The following SEC31A variants were observed in gnomAD, a reference collection of about 807,000 sequenced individuals.
SEC31A encodes the protein SEC31 homolog A, COPII component.
SEC31A carries 70 observed loss-of-function variants against 151.0 expected under a neutral mutation model. The ratio of observed to expected loss-of-function variants is 0.46; its 90% CI spans 0.38 to 0.57. The LOEUF is 0.57. Among genes scored for constraint, SEC31A ranks in the 20% least tolerant of loss-of-function variants. The pLI is 0.00. For missense variants in SEC31A, 1,330 were observed against 1,471.2 expected (o/e 0.90, Z 1.57); for synonymous variants, 475 against 505.9 (o/e 0.94, Z 0.82).
At chr4:82,832,833 T>C (rs1353045084) in intron 22 of SEC31A, among the ~76,000 whole-genome samples, 1 of 152,096 alleles carries the variant, frequency 6.6e-6, no homozygotes, top group Non-Finnish European at 1.5e-5. Context: ...ATTGGAGAAA[T>C]GCAAATCAAA....
At chr4:82,896,850 A>G (rs533804870) in intron 3 of SEC31A, among the ~76,000 whole-genome samples, 3 of 152,248 alleles carry the variant, frequency 2.0e-5, no homozygotes, top group Non-Finnish European at 4.4e-5. Context: ...TCATTGAAGG[A>G]GTTTGACCTT....
rs1297118041 is a variant in SEC31A, at chr4:82,848,973, T to C, written c.2333A>G (p.Asn778Ser). The change falls in exon 20 of 27, where the codon AAT becomes AGT. Residue 778 changes from asparagine to serine, a missense_variant. Asn to Ser is a conservative substitution (Grantham distance 46). Transcript: ENST00000395310. The stretch of plus-strand genomic sequence containing the variant: ...AAGTCTGTCACGAAGCTGCATGATA[T>C]TTGGCTAAAAAGGATTGGAAAAACA... The part of the protein sequence containing the change: ...AFLPDNTNQP[N>S]IMQLRDRLCR... 7 of 1,612,390 alleles carry C rather than the reference T, an allele frequency of 4.3e-6. No homozygotes were observed. The highest frequency in any genetic ancestry group is 5.9e-6 in the Non-Finnish European group (7 of 1,179,466).
At chr4:82,846,366 C>CATCATCATCATAATAATAATA (rs1553928443) in intron 20 of SEC31A, among the ~76,000 whole-genome samples, 1 of 140,546 alleles carries the variant, frequency 7.1e-6, no homozygotes, top group African/African-American at 2.6e-5. Context: ...AACTCCAAAA[C>CATCATCATCATAATAATAATA]ATAATAATAA....
intron 5 of SEC31A, among the ~76,000 whole-genome samples, 165 bp downstream of exon 5, chr4:82,875,562 T>G (rs1318659450): frequency 2.6e-5 from 4 of 152,196 alleles, no homozygotes; most frequent in African/African-American, 9.6e-5. Flanking sequence ...ACTGATACTT[T>G]GAAGAAACAT....
chr4:82,856,809 C>G, intron 16 of SEC31A, 143 bp downstream of exon 16: 1 of 690,762 alleles, frequency 1.4e-6, no homozygotes, highest in East Asian at 3.0e-5. Context: ...AAAATGCCAA[C>G]AACTATTTCC....
In SEC31A at chr4:82,880,914, C is replaced by G; in HGVS notation, c.88G>C (p.Ala30Pro). The change falls in exon 3 of 27, where the codon GCT becomes CCT. Residue 30 changes from alanine to proline, a missense_variant. Coordinates refer to ENST00000395310, the MANE Select transcript of SEC31A (RefSeq NM_001077207.4). ...CTAAATGTTGCATCCAATTGCTGAG[C>G]AGATGTTCCTATAGAAAATATATTT... The part of the protein sequence containing the change: ...HPIYLATGTS[A>P]QQLDATFSTN... The G allele has an allele frequency of 6.2e-7, 1 of 1,605,782 alleles. No individual in the cohort carries two copies. Among genetic ancestry groups the G allele is most frequent in the Non-Finnish European group, 8.5e-7 (1 of 1,175,154 alleles).
At chr4:82,839,701 A>C (rs926236484) in intron 22 of SEC31A, among the ~76,000 whole-genome samples, 1 of 152,258 alleles carries the variant, frequency 6.6e-6, no homozygotes, top group Non-Finnish European at 1.5e-5. Context: ...TACAGTTGTC[A>C]GTAGATTAAA....
At chr4:82,854,712 T>TAAAAAAAAAAAA (rs79298254) in intron 17 of SEC31A, among the ~76,000 whole-genome samples, 191 bp downstream of exon 17, 1 of 140,308 alleles carries the variant, frequency 7.1e-6, no homozygotes, top group Non-Finnish European at 1.5e-5. Context: ...CTAGTAGATT[T>TAAAAAAAAAAAA]AAAAAAAAAA....
At position 82,857,244 on chromosome 4, in the gene SEC31A, C is replaced by CT. The variant is rs1317250440; in HGVS notation, c.1703-115dup. 22 of 833,674 alleles carry CT rather than the reference C, an allele frequency of 2.6e-5. No individual in the cohort carries two copies. In the African/African-American group the frequency reaches 3.9e-4, roughly 15 times the overall value. The allele number at this position is 833,674 out of a possible 1,614,324, so 51.6% of individuals were successfully genotyped here. ...ATATACATGAATGGAGACCACAACA[C>CT]TAATTTCTGATTACTAGTGGATTAA... On this transcript the variant is annotated intron_variant, in intron 15 of 26. Coordinates refer to ENST00000395310, the MANE Select transcript of SEC31A (RefSeq NM_001077207.4).
chr4:82,839,265 C>G (rs1578173369), intron 22 of SEC31A, among the ~76,000 whole-genome samples: 1 of 152,240 alleles, frequency 6.6e-6, no homozygotes, highest in East Asian at 1.9e-4. Context: ...GTTCTCTTGC[C>G]TCAGCTTCCC....
chr4:82,891,712 T>C (rs966056237), upstream of SEC31A, among the ~76,000 whole-genome samples: 2 of 70,186 alleles, frequency 2.8e-5, no homozygotes, highest in African/African-American at 7.9e-5. Context: ...CAAAGAGGTA[T>C]AGATGGGGTG....
Position 82,867,309 on chromosome 4 carries a change from T to C in SEC31A, c.890A>G (p.Tyr297Cys). ...CSNPNTGEVL[Y>C]ELPTNTQWCF... ...CCACTGTGTGTTGGTGGGAAGTTCATATAACACCTAGGCCAACAAAAAACA... is the reference window on the plus strand; with the variant it reads ...CCACTGTGTGTTGGTGGGAAGTTCACATAACACCTAGGCCAACAAAAAACA... Residue 297 changes from tyrosine (Y) to cysteine (C), a missense_variant, in exon 9 of 27, where the codon TAT becomes TGT. By Grantham distance (194) the Tyr-to-Cys change is radical (BLOSUM62 -2). Coordinates refer to ENST00000395310, the MANE Select transcript of SEC31A (RefSeq NM_001077207.4). 6.2e-7 allele frequency: 1 copy of C among 1,613,948 alleles called. No individual in the cohort carries two copies.
At position 82,845,229 on chromosome 4, in the gene SEC31A, G is replaced by A. The variant is rs1485367147; in HGVS notation, c.2503-720C>T. On this transcript the variant is annotated intron_variant, in intron 20 of 26. Coordinates refer to ENST00000395310, the MANE Select transcript of SEC31A (RefSeq NM_001077207.4). ...TGTGTCAGAGGGAGAGGCTGCAGGTGGATGGCTGGGAAGGGCAGTAGGAGT... is the reference window on the plus strand; with the variant it reads ...TGTGTCAGAGGGAGAGGCTGCAGGTAGATGGCTGGGAAGGGCAGTAGGAGT... 6 of 1,534,582 alleles carry A rather than the reference G, an allele frequency of 3.9e-6. No individual in the cohort carries two copies. In the African/African-American group the frequency reaches 5.5e-5, roughly 14 times the overall value.
intron 21 of SEC31A, among the ~76,000 whole-genome samples, chr4:82,843,513 T>C (rs898992277): frequency 6.6e-6 from 1 of 152,026 alleles, no homozygotes; most frequent in Non-Finnish European, 1.5e-5. Flanking sequence ...CTCGATAGAG[T>C]GAATCTAGTA....
At chr4:82,894,480 A>C (rs1401328302), upstream of SEC31A, 1 of 152,226 alleles carries the variant, frequency 6.6e-6, no homozygotes, top group East Asian at 1.9e-4. Flanking sequence ...AAATTGTGTA[A>C]GGTGAACCAA....
chr4:82,836,955 G>T (rs1012371992), intron 22 of SEC31A, among the ~76,000 whole-genome samples: 2 of 151,556 alleles, frequency 1.3e-5, no homozygotes, highest in African/African-American at 2.4e-5. Flanking sequence ...AACGCTTGAG[G>T]TGATGGATAC....
chr4:82,888,354 A>G (rs1359698380), intron 1 of SEC31A, among the ~76,000 whole-genome samples: 1 of 4,682 alleles, frequency 2.1e-4, no homozygotes, highest in Non-Finnish European at 7.7e-4. Context: ...CCGTCTCAAA[A>G]AAAAAAAAAA....
In SEC31A at chr4:82,888,778, A is replaced by G. The variant is rs146974120; in HGVS notation, c.-5+2310T>C. On this transcript the variant is annotated intron_variant, in intron 1 of 26. Coordinates refer to ENST00000395310, the MANE Select transcript of SEC31A (RefSeq NM_001077207.4). ...ATTTTTCATGCAACTTTCTCTCAAT[A>G]ATTGCATTCAATTAGGTGGAAACTT... Among the ~76,000 whole-genome samples the G allele has an allele frequency of 5.3e-5, 8 of 152,280 alleles. No individual in the cohort carries two copies. The East Asian group carries it at 1.5e-3, about 29-fold the overall frequency.
intron 6 of SEC31A, among the ~76,000 whole-genome samples, chr4:82,874,078 T>C (rs915191306): frequency 2.6e-5 from 4 of 151,970 alleles, no homozygotes; most frequent in African/African-American, 9.7e-5. Flanking sequence ...GGCAGGCAGA[T>C]CACGAGGTCA....
Sources: gnomAD v4.1 joint callset for allele counts (sites outside exome capture counted in the v4.1 genomes callset) on GRCh38, gnomAD v4.1.1 for gene constraint, MANE v1.5 for transcripts, NCBI Gene and HGNC (gene_info 2026-07-23, HGNC 2026-07-21) for gene names.